The following CHRM3 variants were observed in gnomAD, a reference collection of about 807,000 sequenced individuals.
CHRM3 encodes muscarinic acetylcholine receptor M3.
In CHRM3, 11 loss-of-function variants were observed where a neutral mutation model predicts 41.8. The ratio of observed to expected loss-of-function variants is 0.26; its 90% CI spans 0.17 to 0.44. CHRM3 has a LOEUF of 0.44. CHRM3 is among the 20% of genes least tolerant of loss of function. The pLI is 1.00. For missense variants in CHRM3, 571 were observed against 745.4 expected (o/e 0.77, Z 2.72); for synonymous variants, 297 against 301.4 (o/e 0.99, Z 0.15).
intron 3 of CHRM3, among the ~76,000 whole-genome samples, chr1:239,596,860 G>A (rs1035275784): frequency 3.3e-5 from 5 of 152,076 alleles, no homozygotes; most frequent in Non-Finnish European, 7.4e-5. Context: ...TTTAAATGCT[G>A]TACAAGTGAC....
intron 5 of CHRM3, among the ~76,000 whole-genome samples, chr1:239,784,580 C>G (rs1443717888): frequency 1.3e-5 from 2 of 152,138 alleles, no homozygotes; most frequent in East Asian, 3.9e-4. Context: ...ATTTATTTGA[C>G]TTATACATTA....
At chr1:239,455,071 TTTTA>T (rs1016506304) in intron 1 of CHRM3, among the ~76,000 whole-genome samples, 26 of 152,044 alleles carry the variant, frequency 1.7e-4, no homozygotes, top group Non-Finnish European at 2.9e-4. Context: ...TCTACTTATT[TTTTA>T]TTTATTTATT....
intron 2 of CHRM3, among the ~76,000 whole-genome samples, chr1:239,544,314 T>C (rs1056362306): frequency 2.0e-5 from 3 of 152,186 alleles, no homozygotes; most frequent in Non-Finnish European, 2.9e-5. Flanking sequence ...TCTAGGAAGG[T>C]GCGTAGATGG....
At chr1:239,550,216 C>T (rs769794847) in intron 3 of CHRM3, among the ~76,000 whole-genome samples, 2 of 152,162 alleles carry the variant, frequency 1.3e-5, no homozygotes, top group Non-Finnish European at 2.9e-5. Flanking sequence ...TCATGTTCTT[C>T]CTTCCAAACT....
chr1:239,833,775 C>T (rs1359991901), intron 6 of CHRM3, among the ~76,000 whole-genome samples: 1 of 152,144 alleles, frequency 6.6e-6, no homozygotes, highest in African/African-American at 2.4e-5. Flanking sequence ...ATTACCAAGT[C>T]CTTCTGGAGC....
intron 5 of CHRM3, among the ~76,000 whole-genome samples, chr1:239,685,379 G>A (rs191751363): frequency 3.3e-5 from 5 of 152,294 alleles, no homozygotes; most frequent in Admixed American, 2.6e-4. Context: ...TTCACTATTA[G>A]TGGCAATTCA....
chr1:239,783,281 TAGAG>T (rs1668641420), intron 5 of CHRM3, among the ~76,000 whole-genome samples: 1 of 151,792 alleles, frequency 6.6e-6, no homozygotes, highest in Non-Finnish European at 1.5e-5. Context: ...TAGTTATGCT[TAGAG>T]AGATAAGAAA....
chr1:239,417,581 T>TG (rs1661597080), intron 1 of CHRM3, among the ~76,000 whole-genome samples: 1 of 62,554 alleles, frequency 1.6e-5, no homozygotes, highest in Non-Finnish European at 4.1e-5. Context: ...ATTAATTTGT[T>TG]TTTTTTTTTT....
intron 3 of CHRM3, among the ~76,000 whole-genome samples, chr1:239,584,434 A>G (rs1460927555): frequency 1.3e-5 from 2 of 152,132 alleles, no homozygotes; most frequent in Non-Finnish European, 2.9e-5. Context: ...TGAGCGGCTG[A>G]GATAGAAAAC....
rs542660205 is a variant in CHRM3, at chr1:239,909,561, T to C, written c.*337T>C. ...TTTGCCTGGGTCCTTTAATTCCCAT[T>C]AGCTTTGGAATCTCAGATGAGCATA... On this transcript the variant is annotated 3_prime_UTR_variant, in exon 7 of 7. Coordinates refer to ENST00000676153, the MANE Select transcript of CHRM3 (RefSeq NM_001375978.1). 27 of 210,610 alleles carry C rather than the reference T, an allele frequency of 1.3e-4. 1 individual carries two copies. In the South Asian group the frequency reaches 3.1e-3, roughly 24 times the overall value. 13.0% of individuals were successfully genotyped at this position (210,610 alleles called of 1,614,324 possible). A position where few individuals can be genotyped will look rare whatever the true frequency, so the allele number is the denominator to read the frequency against.
At chr1:239,496,831 T>A (rs926383102) in intron 2 of CHRM3, among the ~76,000 whole-genome samples, 5 of 152,120 alleles carry the variant, frequency 3.3e-5, no homozygotes, top group African/African-American at 9.7e-5. Context: ...TGCTACCAAA[T>A]GCATTTCCCT....
chr1:239,660,418 C>A (rs1673085259), intron 4 of CHRM3, among the ~76,000 whole-genome samples: 1 of 152,166 alleles, frequency 6.6e-6, no homozygotes, highest in African/African-American at 2.4e-5. Flanking sequence ...AAATCACTTA[C>A]ATTTCTTCAA....
chr1:239,758,817 T>C (rs1666452330), intron 5 of CHRM3, among the ~76,000 whole-genome samples: 1 of 152,196 alleles, frequency 6.6e-6, no homozygotes, highest in Admixed American at 6.5e-5. Flanking sequence ...TTGATGAATT[T>C]CAGAAGCGCG....
chr1:239,549,836 T>C (rs1184934819), intron 3 of CHRM3, among the ~76,000 whole-genome samples: 3 of 151,932 alleles, frequency 2.0e-5, no homozygotes, highest in Non-Finnish European at 4.4e-5. Context: ...AAGTCTAATG[T>C]AATTTGGAGA....
chr1:239,873,274 T>A (rs891153752), intron 6 of CHRM3, among the ~76,000 whole-genome samples: 1 of 152,134 alleles, frequency 6.6e-6, no homozygotes, highest in African/African-American at 2.4e-5. Context: ...AGCTACAAAG[T>A]GGGAATAAAC....
intron 5 of CHRM3, among the ~76,000 whole-genome samples, chr1:239,779,979 T>C (rs1668391731): frequency 6.6e-6 from 1 of 152,230 alleles, no homozygotes; most frequent in Non-Finnish European, 1.5e-5. Flanking sequence ...TCTGTCTTTG[T>C]AGCTTTGAAT....
At chr1:239,418,943 G>C (rs184667039) in intron 1 of CHRM3, among the ~76,000 whole-genome samples, 1 of 152,196 alleles carries the variant, frequency 6.6e-6, no homozygotes, top group Non-Finnish European at 1.5e-5. Flanking sequence ...ACAAAATCTA[G>C]TGTGGAGTAA....
At chr1:239,586,622 T>A (rs1370690108) in intron 3 of CHRM3, among the ~76,000 whole-genome samples, 1 of 152,326 alleles carries the variant, frequency 6.6e-6, no homozygotes, top group East Asian at 1.9e-4. Flanking sequence ...AATATTTCAG[T>A]TCTTTTTATT....
chr1:239,603,275 A>G (rs1440323516), intron 3 of CHRM3, among the ~76,000 whole-genome samples: 2 of 152,166 alleles, frequency 1.3e-5, no homozygotes, highest in Non-Finnish European at 2.9e-5. Context: ...AGTCCTTACA[A>G]TTAAAGGTGA....
Sources: allele counts gnomAD v4.1 joint callset (sites outside exome capture counted in the v4.1 genomes callset), GRCh38; gene constraint gnomAD v4.1.1; transcripts MANE v1.5; gene names NCBI Gene and HGNC (gene_info 2026-07-23, HGNC 2026-07-21).